Variants in TBC1D26 observed in about 807,000 individuals in gnomAD.
The protein encoded by TBC1D26 is TBC1 domain family member 26, also known as TBC1 domain family, member 26.
In TBC1D26, 19 loss-of-function variants were observed where a neutral mutation model predicts 42.5. The observed-to-expected ratio is 0.45, with a 90% CI of 0.31 to 0.66. TBC1D26 has a LOEUF of 0.66. Among genes scored for constraint, TBC1D26 ranks in the 30% least tolerant of loss-of-function variants. The pLI, the probability that TBC1D26 is intolerant of heterozygous loss-of-function variation, is 0.06. For synonymous variants in TBC1D26, 97 were observed against 123.5 expected, an observed-to-expected ratio of 0.79 and a Z score of 1.42; for missense variants, 228 against 332.6, an observed-to-expected ratio of 0.69 and a Z score of 2.45.
At chr17:15,742,367 T>G in intron 11 of TBC1D26, 47 bp from the exon 12 acceptor site, 1 of 395,448 alleles carries the variant, frequency 2.5e-6, no homozygotes, top group Non-Finnish European at 4.7e-6. Context: ...GTGGGAGGAT[T>G]TCAGGGCAGC....
At chr17:15,741,612 G>C in intron 10 of TBC1D26, 1 of 472,892 alleles carries the variant, frequency 2.1e-6, no homozygotes, top group East Asian at 3.9e-5. Flanking sequence ...CAAGATGGAA[G>C]TGTCTGCCCA....
chr17:15,735,191 AG>A (rs993116580), intron 2 of TBC1D26, 121 bp downstream of exon 2: 10 of 823,560 alleles, frequency 1.2e-5, no homozygotes, highest in African/African-American at 3.4e-5. Flanking sequence ...AGATCTAGTC[AG>A]GGGTGGGACC....
At chr17:15,736,816 C>T (rs544564652) in intron 4 of TBC1D26, among the ~76,000 whole-genome samples, 405 of 152,346 alleles carry the variant, frequency 2.7e-3, no homozygotes, top group African/African-American at 9.5e-3. Flanking sequence ...TGGGTGTGGA[C>T]GGATCTGGGA....
chr17:15,741,247 T>C, intron 10 of TBC1D26, 26 bp downstream of exon 10: 2 of 1,612,948 alleles, frequency 1.2e-6, no homozygotes, highest in South Asian at 2.2e-5. Flanking sequence ...TGTGGGTAGG[T>C]GGACAGCTGC....
At chr17:15,740,330 A>G in intron 9 of TBC1D26, 182 bp downstream of exon 9, 1 of 1,546,238 alleles carries the variant, frequency 6.5e-7, no homozygotes. Flanking sequence ...TGTCACATGG[A>G]CCCAATCACC....
rs1052101981 is a variant in TBC1D26 at position 15,732,549 on chromosome 17, C to T, written c.-143+165C>T. On this transcript the variant is annotated intron_variant, in intron 1 of 14. Transcript: ENST00000437605. ...GACTCTGTGGGGTGGGTGCTGTCCCCGAATGTACCCATTCCACAAGTGAGA... is the reference window on the plus strand; with the variant it reads ...GACTCTGTGGGGTGGGTGCTGTCCCTGAATGTACCCATTCCACAAGTGAGA... Among the ~76,000 whole-genome samples the T allele has an allele frequency of 6.0e-5, 9 of 148,976 alleles. No individual in the cohort carries two copies. The South Asian group carries it at 8.9e-4, about 15-fold the overall frequency.
At chr17:15,743,637 T>A in intron 14 of TBC1D26, 121 bp downstream of exon 14, 1 of 223,738 alleles carries the variant, frequency 4.5e-6, no homozygotes, top group Non-Finnish European at 7.6e-6. Flanking sequence ...TTCCTCCTCT[T>A]CCTCCTCTAC....
At chr17:15,733,121 G>C (rs1284698926) in intron 1 of TBC1D26, among the ~76,000 whole-genome samples, 1 of 151,238 alleles carries the variant, frequency 6.6e-6, no homozygotes, top group African/African-American at 2.4e-5. Context: ...TGAAAAACTG[G>C]TCAGTGGGGA....
chr17:15,740,068 A>C (rs776137345), intron 8 of TBC1D26, 32 bp from the exon 9 acceptor site: 15 of 818,612 alleles, frequency 1.8e-5, no homozygotes, highest in South Asian at 1.3e-4. Context: ...GCACACACAC[A>C]AAAAAAAAAC....
chr17:15,734,858 C>T (rs140993741), intron 1 of TBC1D26, 72 bp from the exon 2 acceptor site: 19 of 180,174 alleles, frequency 1.1e-4, no homozygotes, highest in Admixed American at 1.6e-4. Flanking sequence ...GTTCCTGAAG[C>T]GGCTTCACTG....
At chr17:15,741,256 G>A in intron 10 of TBC1D26, 35 bp downstream of exon 10, 1 of 1,612,098 alleles carries the variant, frequency 6.2e-7, no homozygotes, top group Non-Finnish European at 8.5e-7. Flanking sequence ...GTGGACAGCT[G>A]CCCCCGGGGC....
At position 15,740,103 on chromosome 17, in the gene TBC1D26, G is replaced by A. The variant is rs576383438; in HGVS notation, c.501G>A (p.Gln167=). 2.2e-5 allele frequency: 36 copies of A among 1,611,538 alleles called. 1 individual carries two copies. The highest frequency in any genetic ancestry group is 2.0e-4 in the African/African-American group (15 of 74,988). ...MMFIQRFGVK[Q]QELCDILVAY... Reference sequence around the variant, plus strand: ...CCCTCTTTCCCCTCTTTTCTAGGCAGCAGGAATTATGTGACATCCTCGTGG... The same window carrying A: ...CCCTCTTTCCCCTCTTTTCTAGGCAACAGGAATTATGTGACATCCTCGTGG... The change falls in exon 9 of 15, where the codon CAG becomes CAA. Residue 167 remains glutamine, a synonymous_variant. Transcript: ENST00000437605.
At position 15,740,166 on chromosome 17, in the gene TBC1D26, G is replaced by A; in HGVS notation, c.546+18G>A. Reference sequence around the variant, plus strand: ...ATAACCCTGTGAGTATTCCCGGGCAGCGATATTCCTGGGACATGTGCCCAT... The same window carrying A: ...ATAACCCTGTGAGTATTCCCGGGCAACGATATTCCTGGGACATGTGCCCAT... On this transcript the variant is annotated intron_variant, in intron 9 of 14. Coordinates refer to ENST00000437605, the MANE Select transcript of TBC1D26 (RefSeq NM_001388465.1). 1 of 1,614,170 alleles carries A rather than the reference G, an allele frequency of 6.2e-7. No individual in the cohort carries two copies. Among genetic ancestry groups the A allele is most frequent in the South Asian group, 1.1e-5 (1 of 91,076 alleles).
chr17:15,738,652 C>G, intron 7 of TBC1D26, 69 bp from the exon 8 acceptor site: 1 of 1,606,910 alleles, frequency 6.2e-7, no homozygotes, highest in Non-Finnish European at 8.5e-7. Context: ...TGTGGGATGA[C>G]TGCCGTTTGG....
chr17:15,732,866 TCC>T (rs1967519455), intron 1 of TBC1D26, among the ~76,000 whole-genome samples: 1 of 152,136 alleles, frequency 6.6e-6, no homozygotes, highest in African/African-American at 2.4e-5. Context: ...ACTGAGGGTC[TCC>T]GTGGGACCCA....
chr17:15,733,029 C>G (rs928160137), intron 1 of TBC1D26, among the ~76,000 whole-genome samples: 1 of 151,004 alleles, frequency 6.6e-6, no homozygotes, highest in African/African-American at 2.4e-5. Flanking sequence ...CACTGGGGGA[C>G]TGGTCAGCGA....
chr17:15,741,904 G>C (rs370843078), intron 10 of TBC1D26, 38 bp from the exon 11 acceptor site: 1 of 1,603,496 alleles, frequency 6.2e-7, no homozygotes, highest in Non-Finnish European at 8.5e-7. Context: ...CATTTTGGGC[G>C]TGGGGTCTGA....
intron 14 of TBC1D26, 63 bp from the exon 15 acceptor site, chr17:15,744,180 G>C (rs1967862588): frequency 1.3e-5 from 2 of 152,108 alleles, no homozygotes; most frequent in African/African-American, 4.8e-5. Flanking sequence ...TTGTATAGCT[G>C]TGCACATCTT....
Position 15,738,964 on chromosome 17 carries a change from G to A in TBC1D26, c.497+134G>A, listed in dbSNP as rs1429279558. ...ACCAAGGGCTCTCCTGGCCCAGGGAGCAGCCGGCACCATGGACTGAGCATC... is the reference window on the plus strand; with the variant it reads ...ACCAAGGGCTCTCCTGGCCCAGGGAACAGCCGGCACCATGGACTGAGCATC... On this transcript the variant is annotated intron_variant, in intron 8 of 14. Transcript: ENST00000437605. The A allele has an allele frequency of 3.1e-5, 40 of 1,292,924 alleles. No individual in the cohort carries two copies. In the African/African-American group the frequency reaches 5.0e-4, roughly 16 times the overall value. 80.1% of individuals were successfully genotyped at this position (1,292,924 alleles called of 1,614,324 possible).
Sources: gnomAD v4.1 joint callset for allele counts (sites outside exome capture counted in the v4.1 genomes callset) on GRCh38, gnomAD v4.1.1 for gene constraint, MANE v1.5 for transcripts, NCBI Gene and HGNC (gene_info 2026-07-23, HGNC 2026-07-21) for gene names.